Variants in RGSL1 observed in about 807,000 individuals in gnomAD.
The protein encoded by RGSL1 is regulator of G protein signaling protein-like.
In RGSL1, 97 loss-of-function variants were observed where a neutral mutation model predicts 124.7. The observed-to-expected ratio is 0.78, with a 90% CI of 0.66 to 0.92. The LOEUF is 0.92. Ranked by LOEUF, RGSL1 falls within the 40% of genes least tolerant of loss-of-function variation. The pLI is 0.00. For missense variants in RGSL1, 1,233 were observed against 1,288.4 expected (o/e 0.96, Z 0.66); for synonymous variants, 424 against 438.1 (o/e 0.97, Z 0.40).
intron 4 of RGSL1, chr1:182,471,443 G>T: frequency 2.3e-6 from 1 of 441,390 alleles, no homozygotes; most frequent in Non-Finnish European, 4.6e-6. Context: ...TTTTCAGATT[G>T]CCCTAAGCCC....
At chr1:182,450,065 T>G, upstream of RGSL1, 5 of 1,394,424 alleles carry the variant, frequency 3.6e-6, no homozygotes, top group Non-Finnish European at 5.0e-6. Context: ...CTGGAACCCC[T>G]TAGAGAAGGT....
At chr1:182,504,209 G>A (rs1454782645) in intron 9 of RGSL1, among the ~76,000 whole-genome samples, 3 of 151,996 alleles carry the variant, frequency 2.0e-5, no homozygotes, top group African/African-American at 7.2e-5. Context: ...TCGAACTCCT[G>A]ACCTCAGGTG....
chr1:182,461,699 G>A (rs781136629), intron 4 of RGSL1, among the ~76,000 whole-genome samples: 1 of 152,066 alleles, frequency 6.6e-6, no homozygotes, highest in Non-Finnish European at 1.5e-5. Context: ...TAGCTGAAAA[G>A]CACAACTAAA....
Sources: allele counts gnomAD v4.1 joint callset (sites outside exome capture counted in the v4.1 genomes callset), GRCh38; gene constraint gnomAD v4.1.1; transcripts MANE v1.5; gene names NCBI Gene and HGNC (gene_info 2026-07-23, HGNC 2026-07-21).